The following COG3 variants were observed in gnomAD, a reference collection of about 807,000 sequenced individuals.
COG3 encodes the protein conserved oligomeric Golgi complex subunit 3.
COG3 carries 32 observed loss-of-function variants against 114.1 expected under a neutral mutation model. The ratio of observed to expected loss-of-function variants is 0.28; its 90% CI spans 0.21 to 0.38. The LOEUF (loss-of-function observed/expected upper bound fraction) is 0.38. COG3 is among the 10% of genes least tolerant of loss of function. COG3 has a pLI of 1.00. For synonymous variants in COG3, 352 were observed against 365.7 expected, an observed-to-expected ratio of 0.96 and a Z score of 0.43; for missense variants, 813 against 973.2, an observed-to-expected ratio of 0.84 and a Z score of 2.19.
chr13:45,491,080 C>T, intron 9 of COG3, 122 bp downstream of exon 9: 1 of 676,258 alleles, frequency 1.5e-6, no homozygotes, highest in East Asian at 2.8e-5. Context: ...TGTAACATAC[C>T]ACTTATTTTG....
At chr13:45,503,502 A>G (rs1566259203) in intron 14 of COG3, among the ~76,000 whole-genome samples, 153 bp downstream of exon 14, 1 of 152,118 alleles carries the variant, frequency 6.6e-6, no homozygotes, top group Non-Finnish European at 1.5e-5. Context: ...GACAGAATTC[A>G]GTGGTGAGTG....
rs374836164 is a variant in COG3 at position 45,471,179 on chromosome 13, G to T, written c.175-5022G>T. 3.9e-5 allele frequency among the ~76,000 whole-genome samples: 6 copies of T among 152,112 alleles called. 1 individual carries two copies. In the East Asian group the frequency reaches 5.8e-4, roughly 15 times the overall value. ...AGCACTTTGGGAGACTGAGACAGGA[G>T]GATTGCTTGAGCTCAGGAGTTCAAG... On this transcript the variant is annotated intron_variant, in intron 1 of 22. Coordinates refer to ENST00000349995, the MANE Select transcript of COG3 (RefSeq NM_031431.4).
chr13:45,529,744 T>A (rs1391206960), intron 20 of COG3, 47 bp from the exon 21 acceptor site: 1 of 1,474,834 alleles, frequency 6.8e-7, no homozygotes, highest in Non-Finnish European at 9.3e-7. Flanking sequence ...ATGGAAATAT[T>A]TCTTTTCTTT....
Position 45,486,541 on chromosome 13 carries a change from A to G in COG3, c.890A>G (p.Tyr297Cys). The change falls in exon 8 of 23, where the codon TAT becomes TGT. Residue 297 changes from tyrosine to cysteine, a missense_variant. Physicochemically the swap from Tyr to Cys is radical, Grantham distance 194 (BLOSUM62 -2). Coordinates refer to ENST00000349995, the MANE Select transcript of COG3 (RefSeq NM_031431.4). ...PNADNAFTLF[Y>C]VKFRAAAPKV... is the part of the protein sequence containing the mutation. ...GCAGACAATGCCTTCACATTATTTT[A>G]TGTGAAATTTCGAGCTGCTGCCCCC... 6.2e-7 allele frequency: 1 copy of G among 1,611,266 alleles called. No individual in the cohort carries two copies. Among genetic ancestry groups the G allele is most frequent in the South Asian group, 1.1e-5 (1 of 91,026 alleles).
Position 45,535,911 on chromosome 13 carries a change from C to A in COG3, c.*1180C>A. The A allele has an allele frequency of 1.0e-6, 1 of 983,742 alleles. No homozygotes were observed. The highest frequency in any genetic ancestry group is 1.2e-6 in the Non-Finnish European group (1 of 826,610). The allele number at this position is 983,742 out of a possible 1,614,324, so 60.9% of individuals were successfully genotyped here. On this transcript the variant is annotated 3_prime_UTR_variant, in exon 23 of 23. Transcript: ENST00000349995. ...AATTCTGAGTTTTTCAAACACTAGTCTAGAGGTGGACATTGTCAGGGGTTC... is the reference window on the plus strand; with the variant it reads ...AATTCTGAGTTTTTCAAACACTAGTATAGAGGTGGACATTGTCAGGGGTTC...
intron 8 of COG3, 104 bp downstream of exon 8, chr13:45,486,679 C>T: frequency 1.3e-6 from 1 of 754,470 alleles, no homozygotes; most frequent in Non-Finnish European, 2.4e-6. Flanking sequence ...AGGAAGTGAA[C>T]TTGAATGAAA....
intron 16 of COG3, among the ~76,000 whole-genome samples, chr13:45,514,996 T>A (rs965373392): frequency 2.6e-5 from 4 of 152,196 alleles, no homozygotes; most frequent in Non-Finnish European, 4.4e-5. Context: ...AATGGATTAA[T>A]GTCTTAAACA....
chr13:45,534,616 C>T, intron 22 of COG3, 86 bp from the exon 23 acceptor site: 20 of 937,744 alleles, frequency 2.1e-5, no homozygotes, highest in Non-Finnish European at 3.2e-5. Flanking sequence ...GGTTTTTCAA[C>T]CCTTGTGGTT....
chr13:45,529,452 T>A (rs903957070), intron 20 of COG3, among the ~76,000 whole-genome samples: 1 of 150,524 alleles, frequency 6.6e-6, no homozygotes, highest in Non-Finnish European at 1.5e-5. Context: ...TACTAGTGTC[T>A]CTCTGAAAAT....
intron 19 of COG3, 80 bp downstream of exon 19, chr13:45,519,174 A>G (rs1871843277): frequency 1.4e-5 from 21 of 1,484,736 alleles, no homozygotes; most frequent in Non-Finnish European, 1.9e-5. Context: ...TCTTGTGTAA[A>G]CTCTGGCAGA....
At chr13:45,533,370 G>A (rs934709751) in intron 22 of COG3, among the ~76,000 whole-genome samples, 1 of 152,078 alleles carries the variant, frequency 6.6e-6, no homozygotes, top group African/African-American at 2.4e-5. Context: ...ATAGTGTAAG[G>A]AGTGCCCATA....
chr13:45,507,240 AC>A (rs1870255446), intron 14 of COG3, among the ~76,000 whole-genome samples: 2 of 152,216 alleles, frequency 1.3e-5, no homozygotes, highest in Admixed American at 1.3e-4. Context: ...TCCTGCACAT[AC>A]CATATTCCTA....
At position 45,483,633 on chromosome 13, in the gene COG3, A is replaced by G. The variant is rs77449378; in HGVS notation, c.843+278A>G. On this transcript the variant is annotated intron_variant, in intron 7 of 22. Coordinates refer to ENST00000349995, the MANE Select transcript of COG3 (RefSeq NM_031431.4). Reference sequence around the variant, plus strand: ...ATACAAATTATTTGTCTCTTAAAACATTCCTTTTCTATCTTTTTCATGAAA... The same window carrying G: ...ATACAAATTATTTGTCTCTTAAAACGTTCCTTTTCTATCTTTTTCATGAAA... 7.0e-4 allele frequency among the ~76,000 whole-genome samples: 106 copies of G among 152,320 alleles called. 2 individuals are homozygous for G. The East Asian group carries it at 0.018, about 26-fold the overall frequency.
intron 16 of COG3, among the ~76,000 whole-genome samples, chr13:45,515,608 G>T (rs1871456962): frequency 6.6e-6 from 1 of 152,176 alleles, no homozygotes; most frequent in Admixed American, 6.5e-5. Context: ...AGGGATGTGG[G>T]TAGTCAGAGC....
At position 45,465,182 on chromosome 13, in the gene COG3, C is replaced by A; in HGVS notation, c.146C>A (p.Ala49Glu). 2 of 1,613,634 alleles carry A rather than the reference C, an allele frequency of 1.2e-6. No individual in the cohort carries two copies. Among genetic ancestry groups the A allele is most frequent in the Non-Finnish European group, 1.7e-6 (2 of 1,179,876 alleles). ...QTDSVLELKA[A>E]AENLPVPAEL... ...GACTCGGTATTGGAGCTGAAGGCGG[C>A]GGCAGAGAACTTGCCGGTGCCAGCT... Residue 49 changes from alanine to glutamate, a missense_variant, in exon 1 of 23, where the codon GCG becomes GAG. Ala to Glu is a moderately radical substitution (Grantham distance 107). Coordinates refer to ENST00000349995, the MANE Select transcript of COG3 (RefSeq NM_031431.4).
chr13:45,503,161 T>C (rs1402198230), intron 13 of COG3, 83 bp from the exon 14 acceptor site: 1 of 653,644 alleles, frequency 1.5e-6, no homozygotes, highest in East Asian at 2.8e-5. Context: ...AAAATATATA[T>C]ATATGTACTT....
chr13:45,481,096 A>G (rs1389866353), intron 4 of COG3, 134 bp from the exon 5 acceptor site: 1 of 638,964 alleles, frequency 1.6e-6, no homozygotes, highest in East Asian at 2.9e-5. Context: ...GATTGTAGAA[A>G]TACTTGAGCT....
intron 8 of COG3, among the ~76,000 whole-genome samples, chr13:45,488,848 T>C (rs1886834293): frequency 6.6e-6 from 1 of 151,878 alleles, no homozygotes; most frequent in Admixed American, 6.6e-5. Context: ...AATAATCTAC[T>C]TTTGCTTACT....
At chr13:45,484,607 TA>T (rs1371658364) in intron 7 of COG3, among the ~76,000 whole-genome samples, 50 of 150,610 alleles carry the variant, frequency 3.3e-4, no homozygotes, top group African/African-American at 1.2e-3. Flanking sequence ...TTTATTTATT[TA>T]TTTATTTTTT....
Sources: gnomAD v4.1 joint callset for allele counts (sites outside exome capture counted in the v4.1 genomes callset) on GRCh38, gnomAD v4.1.1 for gene constraint, MANE v1.5 for transcripts, NCBI Gene and HGNC (gene_info 2026-07-23, HGNC 2026-07-21) for gene names.